The following TRPS1 variants were observed in gnomAD, a reference collection of about 807,000 sequenced individuals.
TRPS1 encodes the protein transcriptional repressor GATA binding 1, also known as zinc finger transcription factor Trps1.
Under a neutral mutation model 101.2 loss-of-function variants are expected in TRPS1, and 6 were observed. The observed-to-expected ratio is 0.06, with a 90% confidence interval of 0.03 to 0.12. TRPS1 has a LOEUF of 0.12. TRPS1 is among the 10% of genes least tolerant of loss of function. The pLI is 1.00. For missense variants in TRPS1, 1,363 were observed against 1,567.0 expected, an observed-to-expected ratio of 0.87 and a Z score of 2.20; for synonymous variants, 578 against 589.8, an observed-to-expected ratio of 0.98 and a Z score of 0.29.
intron 5 of TRPS1, among the ~76,000 whole-genome samples, chr8:115,562,696 G>C (rs935043983): frequency 4.6e-5 from 7 of 151,702 alleles, no homozygotes; most frequent in African/African-American, 1.7e-4. Flanking sequence ...GCGCTGATAA[G>C]ATGTTCTTTT....
rs894457461 is a variant in TRPS1, at chr8:115,460,683, C to G, written c.2701-42231G>C. Among the ~76,000 whole-genome samples, 4 of 151,970 alleles carry G rather than the reference C, an allele frequency of 2.6e-5. 1 individual carries two copies. The highest frequency in any genetic ancestry group is 9.7e-5 in the African/African-American group (4 of 41,446). On this transcript the variant is annotated intron_variant, in intron 5 of 6. Transcript: ENST00000395715. ...TTTTCTTAGAGTGAAGCCTTATAAC[C>G]AAGACCATGCGATTCAATTAAGACT...
At chr8:115,614,439 T>C (rs1366748748) in intron 3 of TRPS1, among the ~76,000 whole-genome samples, 2 of 152,226 alleles carry the variant, frequency 1.3e-5, no homozygotes, top group Non-Finnish European at 2.9e-5. Flanking sequence ...GGTAAAGGGA[T>C]TAGTAATGAT....
chr8:115,456,631 G>A (rs1814032548), intron 5 of TRPS1, among the ~76,000 whole-genome samples: 1 of 151,860 alleles, frequency 6.6e-6, no homozygotes, highest in South Asian at 2.1e-4. Context: ...CTTGTACATT[G>A]GAAAAATTTC....
intron 5 of TRPS1, among the ~76,000 whole-genome samples, chr8:115,430,706 T>C (rs1426376842): frequency 6.6e-6 from 1 of 152,142 alleles, no homozygotes; most frequent in African/African-American, 2.4e-5. Flanking sequence ...TGGTTATGTA[T>C]ATACATGTAC....
intron 5 of TRPS1, among the ~76,000 whole-genome samples, chr8:115,450,305 C>T (rs1181355444): frequency 1.3e-5 from 2 of 152,120 alleles, no homozygotes; most frequent in Admixed American, 6.5e-5. Flanking sequence ...TTAGACAGTC[C>T]ATACTCAGAG....
Position 115,411,441 on chromosome 8 carries a change from G to C in TRPS1, c.*2582C>G, listed in dbSNP as rs866732660. On this transcript the variant is annotated 3_prime_UTR_variant, in exon 7 of 7. Transcript: ENST00000395715. ...TTAACCAAACTTCTGGTGTTTTGCT[G>C]ATTTAAGCAGTCCACATAGATAATG... The C allele has an allele frequency of 2.0e-5, 3 of 152,346 alleles. No individual in the cohort carries two copies. The South Asian group carries it at 6.2e-4, about 32-fold the overall frequency. 9.4% of individuals were successfully genotyped at this position (152,346 alleles called of 1,614,324 possible).
intron 1 of TRPS1, among the ~76,000 whole-genome samples, chr8:115,624,662 C>G (rs1818466342): frequency 6.6e-6 from 1 of 151,852 alleles, no homozygotes; most frequent in Non-Finnish European, 1.5e-5. Context: ...GCTTTGCTTT[C>G]TTAGAAAATG....
intron 5 of TRPS1, among the ~76,000 whole-genome samples, chr8:115,483,705 T>G (rs1814812080): frequency 6.6e-6 from 1 of 152,146 alleles, no homozygotes; most frequent in Non-Finnish European, 1.5e-5. Context: ...CATTTGTGGA[T>G]AGACACTGAC....
chr8:115,473,640 T>C (rs1439043813), intron 5 of TRPS1, among the ~76,000 whole-genome samples: 1 of 152,248 alleles, frequency 6.6e-6, no homozygotes, highest in African/African-American at 2.4e-5. Flanking sequence ...GCATTCAAGA[T>C]GATAGCTGAT....
At chr8:115,596,221 T>A (rs895549589) in intron 4 of TRPS1, among the ~76,000 whole-genome samples, 1 of 151,922 alleles carries the variant, frequency 6.6e-6, no homozygotes, top group African/African-American at 2.4e-5. Flanking sequence ...AAAATATGTG[T>A]GTAGTTTTCC....
Position 115,411,808 on chromosome 8 carries a change from T to G in TRPS1, c.*2215A>C, listed in dbSNP as rs1812796233. The G allele has an allele frequency of 6.6e-6, 1 of 152,066 alleles. No individual in the cohort carries two copies. 9.4% of individuals were successfully genotyped at this position (152,066 alleles called of 1,614,324 possible). On this transcript the variant is annotated 3_prime_UTR_variant, in exon 7 of 7. Transcript: ENST00000395715. ...CTTTCTCTTTTCTCTTTTTTTAATA[T>G]GCAAACAAAAAAATGCAAAAATGAA...
chr8:115,452,957 C>G (rs775232710), intron 5 of TRPS1, among the ~76,000 whole-genome samples: 3 of 151,576 alleles, frequency 2.0e-5, no homozygotes, highest in Non-Finnish European at 4.4e-5. Flanking sequence ...AGAGCAAAAT[C>G]AAAAAAGCTC....
chr8:115,469,432 A>G (rs1814408459), intron 5 of TRPS1, among the ~76,000 whole-genome samples: 1 of 152,180 alleles, frequency 6.6e-6, no homozygotes, highest in South Asian at 2.1e-4. Flanking sequence ...TAATGCCACA[A>G]TGAATGAGCC....
At chr8:115,629,677 T>C (rs541824066) in intron 1 of TRPS1, among the ~76,000 whole-genome samples, 1 of 152,014 alleles carries the variant, frequency 6.6e-6, no homozygotes, top group Admixed American at 6.6e-5. Context: ...GGCCTTTAAT[T>C]AAATATGGAA....
intron 5 of TRPS1, among the ~76,000 whole-genome samples, chr8:115,513,993 G>A (rs1194596717): frequency 6.6e-6 from 1 of 151,696 alleles, no homozygotes; most frequent in Non-Finnish European, 1.5e-5. Context: ...CGTACCCTTA[G>A]TGAACATAAG....
chr8:115,553,694 T>C (rs1199689677), intron 5 of TRPS1, among the ~76,000 whole-genome samples: 1 of 152,138 alleles, frequency 6.6e-6, no homozygotes, highest in Non-Finnish European at 1.5e-5. Context: ...TCAATAACAT[T>C]TAGTTTTCTA....
intron 1 of TRPS1, among the ~76,000 whole-genome samples, chr8:115,667,483 T>C (rs1285539056): frequency 6.6e-6 from 1 of 152,210 alleles, no homozygotes; most frequent in African/African-American, 2.4e-5. Flanking sequence ...GTCTGTCCGC[T>C]TGGATGTCCC....
Position 115,619,942 on chromosome 8 carries a change from T to C in TRPS1, c.156A>G (p.Ala52=). The C allele has an allele frequency of 1.2e-6, 2 of 1,614,220 alleles. No individual in the cohort carries two copies. Among genetic ancestry groups the C allele is most frequent in the Non-Finnish European group, 8.5e-7 (1 of 1,180,032 alleles). ...KVSGKNKEFS[A]DQMSENTDQS... ...GATCCGTATTTTCTGACATCTGATC[T>C]GCAGAAAATTCTTTGTTCTTTCCAG... Residue 52 remains alanine (A), a synonymous_variant, in exon 3 of 7, where the codon GCA becomes GCG. Transcript: ENST00000395715.
Position 115,527,044 on chromosome 8 carries a change from T to A in TRPS1, c.2700+59957A>T, listed in dbSNP as rs545242986. ...AGCATCCTTTGGGAACATAAGACTG[T>A]GCAATTTATATACAAGTTTTCCAGG... On this transcript the variant is annotated intron_variant, in intron 5 of 6. Transcript: ENST00000395715. 1.6e-4 allele frequency among the ~76,000 whole-genome samples: 25 copies of A among 152,274 alleles called. 1 individual carries two copies. In the South Asian group the frequency reaches 3.3e-3, roughly 20 times the overall value.
Sources: allele counts gnomAD v4.1 joint callset (sites outside exome capture counted in the v4.1 genomes callset), GRCh38; gene constraint gnomAD v4.1.1; transcripts MANE v1.5; gene names NCBI Gene and HGNC (gene_info 2026-07-23, HGNC 2026-07-21).